Variants in CLUH observed in about 807,000 individuals in gnomAD.
CLUH encodes CLUH binding protein of NUMT mRNA, also known as clustered mitochondria protein homolog.
CLUH carries 77 observed loss-of-function variants against 139.3 expected under a neutral mutation model. That is an observed-to-expected ratio of 0.55 (90% CI 0.46 to 0.67). The LOEUF is 0.67. CLUH is among the 30% of genes least tolerant of loss of function. The pLI, the probability that CLUH is intolerant of heterozygous loss-of-function variation, is 0.00. For synonymous variants in CLUH, 999 were observed against 801.6 expected (o/e 1.25, Z -4.16); for missense variants, 1,876 against 1,875.8 (o/e 1.00, Z 0.00).
chr17:2,692,772 C>T lies in CLUH; in HGVS notation c.3312+8G>A. ...CATCCCCCGGCGCGGGCGGCACTCG[C>T]GACTCACGTATTCCTGGATGGTGTT... On this transcript the variant is annotated splice_region_variant and intron_variant, in intron 20 of 25. Transcript: ENST00000651024. 6.2e-7 allele frequency: 1 copy of T among 1,600,058 alleles called. No individual in the cohort carries two copies.
chr17:2,690,658 G>C lies in CLUH; in HGVS notation c.3983C>G (p.Ala1328Gly), dbSNP rs1432341490. Reference sequence around the variant, plus strand: ...GGGCTGGGAGCCCAGGTCTCCTGGGGCCCCCGCTGGCGCGGGCTCGGTAGC... The same window carrying C: ...GGGCTGGGAGCCCAGGTCTCCTGGGCCCCCCGCTGGCGCGGGCTCGGTAGC... ...PMATEPAPAGAPGDLGSQPPA... is the reference protein window; with the variant it reads ...PMATEPAPAGGPGDLGSQPPA... Residue 1328 changes from alanine to glycine, a missense_variant, in exon 26 of 26, where the codon GCC (alanine) becomes GGC (glycine). By Grantham distance (60) the Ala-to-Gly change is moderately conservative. Transcript: ENST00000651024. 5 of 1,540,790 alleles carry C rather than the reference G, an allele frequency of 3.2e-6. No homozygotes were observed. Among genetic ancestry groups the C allele is most frequent in the Admixed American group, 2.2e-5 (1 of 45,376 alleles).
At chr17:2,691,949 CCGCCCCGCCA>C (rs1199430559) in intron 23 of CLUH, 45 bp downstream of exon 23, 28,904 of 1,171,576 alleles carry the variant, frequency 0.025, 929 homozygotes, top group East Asian at 0.031. Flanking sequence ...GGCCCCGCCC[CCGCCCCGCCA>C]CGCCCCCGCC....
rs951079020 is a variant in CLUH at position 2,695,633 on chromosome 17, G to A, written c.2392-107C>T. The A allele has an allele frequency of 1.8e-5, 25 of 1,364,468 alleles. No homozygotes were observed. The East Asian group carries it at 2.8e-4, about 15-fold the overall frequency. 84.5% of individuals were successfully genotyped at this position (1,364,468 alleles called of 1,614,324 possible). On this transcript the variant is annotated intron_variant, in intron 13 of 25. Transcript: ENST00000651024. ...CTGGGAGGCCCTGGAGAAGGACCCC[G>A]AAGGCTCCAGCTCCCAGTCAGGATG...
At chr17:2,710,613 C>T (rs1286369322) in intron 1 of CLUH, among the ~76,000 whole-genome samples, 1 of 152,232 alleles carries the variant, frequency 6.6e-6, no homozygotes, top group African/African-American at 2.4e-5. Flanking sequence ...CGACTGAGGG[C>T]CTGGGAAGGG....
chr17:2,690,489 G>A lies in CLUH; in HGVS notation c.*105C>T. 1.9e-6 allele frequency: 2 copies of A among 1,038,252 alleles called. No individual in the cohort carries two copies. Among genetic ancestry groups the A allele is most frequent in the Non-Finnish European group, 2.6e-6 (2 of 768,264 alleles). The allele number at this position is 1,038,252 out of a possible 1,614,324, so 64.3% of individuals were successfully genotyped here. ...GGGTGGGGTGGGGTGAGACGTGGAGGAAGAGGGCCTTGCTTCCTCTTCCGC... is the reference window on the plus strand; with the variant it reads ...GGGTGGGGTGGGGTGAGACGTGGAGAAAGAGGGCCTTGCTTCCTCTTCCGC... On this transcript the variant is annotated 3_prime_UTR_variant, in exon 26 of 26. Transcript: ENST00000651024.
chr17:2,697,720 G>T (rs560445921), intron 10 of CLUH, among the ~76,000 whole-genome samples, 176 bp downstream of exon 10: 1 of 152,202 alleles, frequency 6.6e-6, no homozygotes, highest in Non-Finnish European at 1.5e-5. Flanking sequence ...GGGTTTCTGC[G>T]CTCGGGAGCC....
At chr17:2,695,351 G>GCCCCA (rs748334928) in intron 14 of CLUH, 23 bp downstream of exon 14, 1 of 1,613,046 alleles carries the variant, frequency 6.2e-7, no homozygotes, top group South Asian at 1.1e-5. Context: ...CTCCCGTTCC[G>GCCCCA]CCCCACCCCG....
At chr17:2,698,815 G>A (rs543714662) in intron 9 of CLUH, among the ~76,000 whole-genome samples, 5 of 152,164 alleles carry the variant, frequency 3.3e-5, no homozygotes, top group South Asian at 2.1e-4. Flanking sequence ...GGGCCGAGGC[G>A]GTCAGACCAC....
intron 9 of CLUH, among the ~76,000 whole-genome samples, chr17:2,699,103 G>A (rs886615823): frequency 3.3e-5 from 5 of 152,138 alleles, no homozygotes; most frequent in African/African-American, 9.7e-5. Context: ...TTGTGCTGAG[G>A]GAGACAGCAG....
Position 2,707,358 on chromosome 17 carries a change from AG to A in CLUH, c.101-2795del. ...GGAGCTCCGGCTGGCTTCGGGTTTC[AG>A]TGGGGCCAGGCCTGCCATGGCAGCC... On this transcript the variant is annotated intron_variant, in intron 1 of 25. Transcript: ENST00000651024. This position sits in a 1 kb window ranked among gnomAD's most constrained non-coding sequence, Gnocchi z 7.4. The A allele has an allele frequency of 1.0e-6, 1 of 985,348 alleles. No homozygotes were observed. Among genetic ancestry groups the A allele is most frequent in the South Asian group, 4.7e-5 (1 of 21,290 alleles). The allele number at this position is 985,348 out of a possible 1,614,324, so 61.0% of individuals were successfully genotyped here.
intron 1 of CLUH, among the ~76,000 whole-genome samples, chr17:2,705,477 AGCCCTCCCACC>A (rs1200592408): frequency 1.1e-4 from 16 of 151,972 alleles, no homozygotes; most frequent in African/African-American, 1.9e-4. Context: ...TACCGCCCAC[AGCCCTCCCACC>A]GCCCTCCCAC....
chr17:2,700,640 A>C, intron 8 of CLUH, 38 bp downstream of exon 8: 1 of 1,516,640 alleles, frequency 6.6e-7, no homozygotes, highest in East Asian at 2.3e-5. Flanking sequence ...CCAGGAGGGC[A>C]GGGGTGCCCA....
At position 2,698,346 on chromosome 17, in the gene CLUH, CCCT is replaced by C; in HGVS notation, c.1508_1510del (p.Glu503del). On this transcript the variant is annotated inframe_deletion, in exon 10 of 26. Transcript: ENST00000651024. Reference sequence around the variant, plus strand: ...CACCACCGTGCCCAGCGTGTACAGCCCCTCCACGTCCACCGCGTTGTACGTGCG... The same window carrying C: ...CACCACCGTGCCCAGCGTGTACAGCCCCACGTCCACCGCGTTGTACGTGCG... 1 of 1,613,198 alleles carries C rather than the reference CCCT, an allele frequency of 6.2e-7. No individual in the cohort carries two copies. The highest frequency in any genetic ancestry group is 8.5e-7 in the Non-Finnish European group (1 of 1,179,758).
At position 2,704,291 on chromosome 17, in the gene CLUH, G is replaced by T; in HGVS notation, c.303+71C>A. The T allele has an allele frequency of 2.0e-6, 3 of 1,506,366 alleles. No homozygotes were observed. The highest frequency in any genetic ancestry group is 2.7e-6 in the Non-Finnish European group (3 of 1,109,318). 93.3% of individuals were successfully genotyped at this position (1,506,366 alleles called of 1,614,324 possible). ...ATGGGGCCGGTAGGAGCACGAGCAAGGCTGAGCTTTCCAGCTCACCCTCCC... is the reference window on the plus strand; with the variant it reads ...ATGGGGCCGGTAGGAGCACGAGCAATGCTGAGCTTTCCAGCTCACCCTCCC... On this transcript the variant is annotated intron_variant, in intron 2 of 25. Coordinates refer to ENST00000651024, the MANE Select transcript of CLUH (RefSeq NM_001366661.1). This position sits in a 1 kb window ranked among gnomAD's most constrained non-coding sequence, Gnocchi z 5.7.
Position 2,704,522 on chromosome 17 carries a change from C to T in CLUH, c.143G>A (p.Ser48Asn), listed in dbSNP as rs1421455673. The T allele has an allele frequency of 1.3e-6, 2 of 1,581,196 alleles. No homozygotes were observed. Among genetic ancestry groups the T allele is most frequent in the Non-Finnish European group, 1.7e-6 (2 of 1,163,910 alleles). Residue 48 changes from serine (S) to asparagine (N), a missense_variant, in exon 2 of 26, where the codon AGC becomes AAC. Coordinates refer to ENST00000651024, the MANE Select transcript of CLUH (RefSeq NM_001366661.1). This position sits in a 1 kb window ranked among gnomAD's most constrained non-coding sequence, Gnocchi z 5.7. ...GGCCGCCGCCGCCTCCTTCTTCAGG[C>T]TCTCTGGGCAGTCCCCGTTTAAGAG... is the stretch of plus-strand genomic sequence containing the variant. ...VMLLNGDCPE[S>N]LKKEAAAAEP...
At chr17:2,708,360 GAGGGGTGGGGC>G (rs1308380268) in intron 1 of CLUH, among the ~76,000 whole-genome samples, 2 of 152,156 alleles carry the variant, frequency 1.3e-5, no homozygotes, top group Non-Finnish European at 2.9e-5. Flanking sequence ...CCTCCGGAGA[GAGGGGTGGGGC>G]AGGGCAGCCT....
At chr17:2,693,391 G>C (rs1442641275) in intron 19 of CLUH, among the ~76,000 whole-genome samples, 1 of 127,014 alleles carries the variant, frequency 7.9e-6, no homozygotes, top group Non-Finnish European at 1.8e-5. Context: ...GCAAGACCCT[G>C]TCTCAGAAAC....
Position 2,700,432 on chromosome 17 carries a change from G to A in CLUH, c.1216C>T (p.Pro406Ser). Reference protein sequence around the residue: ...NEELQTTRELPRKNLPERLLR... With the variant: ...NEELQTTRELSRKNLPERLLR... The stretch of plus-strand genomic sequence containing the variant: ...AGCCGCTCAGGCAGGTTCTTGCGAG[G>A]CAGCTCCCTCGTCGTCTGCAGCTCC... Residue 406 changes from proline (P) to serine (S), a missense_variant, in exon 9 of 26, where the codon CCT (proline) becomes TCT (serine). By Grantham distance (74) the Pro-to-Ser change is moderately conservative (BLOSUM62 -1). Coordinates refer to ENST00000651024, the MANE Select transcript of CLUH (RefSeq NM_001366661.1). The A allele has an allele frequency of 6.2e-7, 1 of 1,613,396 alleles. No individual in the cohort carries two copies. Among genetic ancestry groups the A allele is most frequent in the Non-Finnish European group, 8.5e-7 (1 of 1,179,818 alleles).
At chr17:2,710,419 C>T (rs1238198706) in intron 1 of CLUH, among the ~76,000 whole-genome samples, 1 of 152,260 alleles carries the variant, frequency 6.6e-6, no homozygotes, top group Non-Finnish European at 1.5e-5. Flanking sequence ...GGGCTGAACG[C>T]TGTCCCCATC....
Sources: gnomAD v4.1 joint callset for allele counts (sites outside exome capture counted in the v4.1 genomes callset) on GRCh38, gnomAD v4.1.1 for gene constraint, Gnocchi (gnomAD v3.1) non-coding constraint, MANE v1.5 for transcripts, NCBI Gene and HGNC (gene_info 2026-07-23, HGNC 2026-07-21) for gene names.